The following SDK1 variants were observed in gnomAD, a reference collection of about 807,000 sequenced individuals.
SDK1 encodes the protein sidekick cell adhesion molecule 1.
Under a neutral mutation model 245.5 loss-of-function variants are expected in SDK1, and 157 were observed. The observed-to-expected ratio is 0.64, with a 90% CI of 0.56 to 0.73. The LOEUF is 0.73. Ranked by LOEUF, SDK1 falls within the 30% of genes least tolerant of loss-of-function variation. The pLI, the probability that SDK1 is intolerant of heterozygous loss-of-function variation, is 0.00. For synonymous variants in SDK1, 1,647 were observed against 1,278.5 expected (o/e 1.29, Z -6.15); for missense variants, 3,583 against 3,002.3 (o/e 1.19, Z -4.52).
chr7:4,086,567 C>A (rs1275579627), intron 22 of SDK1, among the ~76,000 whole-genome samples: 1 of 152,166 alleles, frequency 6.6e-6, no homozygotes, highest in African/African-American at 2.4e-5. Context: ...CCCCTTCCTT[C>A]ATCTTCAGAG....
At chr7:3,958,888 C>T in intron 7 of SDK1, 43 bp from the exon 8 acceptor site, 1 of 1,472,118 alleles carries the variant, frequency 6.8e-7, no homozygotes, top group Non-Finnish European at 9.5e-7. Context: ...TCTGACATAT[C>T]CTTCTTTGGC....
chr7:4,073,025 G>T (rs761222675), intron 20 of SDK1, among the ~76,000 whole-genome samples: 1 of 152,226 alleles, frequency 6.6e-6, no homozygotes, highest in Non-Finnish European at 1.5e-5. Flanking sequence ...TGGATGCACT[G>T]CTCTCTTCTA....
intron 4 of SDK1, among the ~76,000 whole-genome samples, chr7:3,811,488 A>G (rs1779381184): frequency 6.6e-6 from 1 of 152,122 alleles, no homozygotes; most frequent in African/African-American, 2.4e-5. Flanking sequence ...AAACTCAGGG[A>G]GCTTGGTTGG....
At chr7:3,881,065 ATTCT>A (rs1410159995) in intron 5 of SDK1, among the ~76,000 whole-genome samples, 2 of 152,030 alleles carry the variant, frequency 1.3e-5, no homozygotes, top group African/African-American at 4.8e-5. Flanking sequence ...ACACACAAAC[ATTCT>A]TTTTTTTTTA....
chr7:3,965,851 G>A (rs773504524), intron 9 of SDK1, among the ~76,000 whole-genome samples: 1 of 152,072 alleles, frequency 6.6e-6, no homozygotes, highest in Non-Finnish European at 1.5e-5. Context: ...AACTCTTGGG[G>A]ACATGCGCAT....
intron 1 of SDK1, among the ~76,000 whole-genome samples, chr7:3,409,271 A>G (rs1325874874): frequency 6.8e-6 from 1 of 147,056 alleles, no homozygotes; most frequent in Admixed American, 6.8e-5. Flanking sequence ...TTCCCTTATG[A>G]TGGTCTGTTT....
At chr7:3,871,450 C>T (rs1012520504) in intron 5 of SDK1, among the ~76,000 whole-genome samples, 1 of 152,138 alleles carries the variant, frequency 6.6e-6, no homozygotes, top group African/African-American at 2.4e-5. Context: ...GGGGATGTGT[C>T]TTAGTCCATT....
At chr7:3,544,184 C>T (rs371353410) in intron 1 of SDK1, among the ~76,000 whole-genome samples, 2 of 152,190 alleles carry the variant, frequency 1.3e-5, no homozygotes, top group African/African-American at 4.8e-5. Flanking sequence ...TATGAATTTT[C>T]TAGTAGAGTT....
chr7:4,188,862 C>T (rs1268248053), intron 35 of SDK1, among the ~76,000 whole-genome samples: 1 of 152,150 alleles, frequency 6.6e-6, no homozygotes, highest in Non-Finnish European at 1.5e-5. Context: ...AATTCTTACA[C>T]ACAGTCAAGT....
intron 30 of SDK1, among the ~76,000 whole-genome samples, chr7:4,155,461 G>A (rs1396395997): frequency 6.6e-6 from 1 of 152,224 alleles, no homozygotes. Flanking sequence ...AGGCAGGACA[G>A]TGGAGAAAGA....
chr7:3,802,491 T>C (rs1469204924), intron 4 of SDK1, among the ~76,000 whole-genome samples: 1 of 151,812 alleles, frequency 6.6e-6, no homozygotes, highest in Non-Finnish European at 1.5e-5. Flanking sequence ...GCCATGATCA[T>C]GCCGTTGCAC....
chr7:3,367,500 G>A (rs1365286906), intron 1 of SDK1, among the ~76,000 whole-genome samples: 4 of 152,060 alleles, frequency 2.6e-5, no homozygotes, highest in Admixed American at 1.3e-4. Context: ...TGCCATTCCC[G>A]GCATTTCATC....
At chr7:4,109,266 C>T (rs754418558) in intron 22 of SDK1, among the ~76,000 whole-genome samples, 1 of 152,128 alleles carries the variant, frequency 6.6e-6, no homozygotes, top group African/African-American at 2.4e-5. Flanking sequence ...CAGCTGAAAG[C>T]GTTGAGAGTT....
chr7:4,153,195 C>T (rs1029489841), intron 30 of SDK1, among the ~76,000 whole-genome samples: 7 of 149,922 alleles, frequency 4.7e-5, no homozygotes, highest in Non-Finnish European at 8.8e-5. Context: ...AGGGATTCAA[C>T]GAATGTCAGC....
At chr7:3,367,185 TG>T (rs1257711318) in intron 1 of SDK1, among the ~76,000 whole-genome samples, 2 of 151,840 alleles carry the variant, frequency 1.3e-5, no homozygotes, top group African/African-American at 4.8e-5. Flanking sequence ...TTTTATTTTT[TG>T]CCAGGAATGA....
intron 20 of SDK1, among the ~76,000 whole-genome samples, chr7:4,074,029 G>T (rs1780454046): frequency 6.6e-6 from 1 of 152,174 alleles, no homozygotes; most frequent in Admixed American, 6.5e-5. Context: ...GGGGGCCGTA[G>T]GTGTTTTTTT....
At chr7:4,099,369 C>T (rs1460992194) in intron 22 of SDK1, among the ~76,000 whole-genome samples, 1 of 146,450 alleles carries the variant, frequency 6.8e-6, no homozygotes, top group Non-Finnish European at 1.5e-5. Flanking sequence ...CCGGGTGGGT[C>T]AGGAGGCAGA....
At chr7:3,947,472 T>C (rs1450915890) in intron 5 of SDK1, among the ~76,000 whole-genome samples, 1 of 152,068 alleles carries the variant, frequency 6.6e-6, no homozygotes, top group Non-Finnish European at 1.5e-5. Flanking sequence ...TTCTTTCTTC[T>C]ACAGATTTTT....
chr7:3,479,520 A>G (rs1781448953), intron 1 of SDK1, among the ~76,000 whole-genome samples: 1 of 151,626 alleles, frequency 6.6e-6, no homozygotes, highest in South Asian at 2.1e-4. Flanking sequence ...TTGTCAATAT[A>G]TTTAATGATT....
Sources: gnomAD v4.1 joint callset for allele counts (sites outside exome capture counted in the v4.1 genomes callset) on GRCh38, gnomAD v4.1.1 for gene constraint, MANE v1.5 for transcripts, NCBI Gene and HGNC (gene_info 2026-07-23, HGNC 2026-07-21) for gene names.